Variants in EIF2A observed in about 807,000 individuals in gnomAD.
The protein encoded by EIF2A is 65 kDa eukaryotic translation initiation factor 2A.
In EIF2A, 62 loss-of-function variants were observed where a neutral mutation model predicts 75.2. The ratio of observed to expected loss-of-function variants is 0.82; its 90% confidence interval spans 0.67 to 1.02. The LOEUF (loss-of-function observed/expected upper bound fraction) is 1.02, where lower values mean the gene tolerates loss of function less well. Among genes scored for constraint, EIF2A ranks in the 50% least tolerant of loss-of-function variants. The probability of loss-of-function intolerance (pLI) is 0.00; values close to 1 mark genes in which losing one functional copy is unlikely to be tolerated. For missense variants in EIF2A, 611 were observed against 677.7 expected, an observed-to-expected ratio of 0.90 and a Z score of 1.09; for synonymous variants, 207 against 239.0, an observed-to-expected ratio of 0.87 and a Z score of 1.23.
At chr3:150,555,489 C>T (rs1297894798) in intron 2 of EIF2A, among the ~76,000 whole-genome samples, 2 of 151,824 alleles carry the variant, frequency 1.3e-5, no homozygotes, top group Non-Finnish European at 2.9e-5. Flanking sequence ...AACTTCTGAC[C>T]TCAGGTGATT....
chr3:150,583,197 C>T lies in EIF2A; in HGVS notation c.1627-3C>T, dbSNP rs757992463. On this transcript the variant is annotated splice_polypyrimidine_tract_variant and splice_region_variant and intron_variant, in intron 12 of 13. Transcript: ENST00000460851. ...GCTCTTGACTCATATTTGATGTTTG[C>T]AGAAACTGAAAGCAATCGAACAACT... is the stretch of plus-strand genomic sequence containing the variant. 2.7e-5 allele frequency: 44 copies of T among 1,610,234 alleles called. No homozygotes were observed. In the Admixed American group the frequency reaches 7.4e-4, roughly 27 times the overall value.
intron 3 of EIF2A, among the ~76,000 whole-genome samples, chr3:150,560,241 T>C (rs1345697634): frequency 6.8e-6 from 1 of 147,870 alleles, no homozygotes; most frequent in Non-Finnish European, 1.5e-5. Context: ...CTATATTAAG[T>C]TCTAGCATTT....
chr3:150,571,727 A>G (rs1724535780), intron 9 of EIF2A, among the ~76,000 whole-genome samples: 1 of 152,226 alleles, frequency 6.6e-6, no homozygotes, highest in Admixed American at 6.5e-5. Flanking sequence ...CTATAAGGCC[A>G]TATTACCAAA....
intron 10 of EIF2A, among the ~76,000 whole-genome samples, chr3:150,574,017 C>A (rs567009776): frequency 2.0e-5 from 3 of 152,040 alleles, no homozygotes; most frequent in Admixed American, 6.6e-5. Flanking sequence ...TGAGACCAGC[C>A]AGGGCAACAT....
intron 11 of EIF2A, 83 bp from the exon 12 acceptor site, chr3:150,581,534 AT>A (rs1725175141): frequency 3.4e-6 from 5 of 1,458,246 alleles, no homozygotes; most frequent in Non-Finnish European, 4.6e-6. Context: ...TAGTTTCTGT[AT>A]TTCATATGCC....
chr3:150,565,049 C>A (rs1204465396), intron 6 of EIF2A: 2 of 369,588 alleles, frequency 5.4e-6, no homozygotes, highest in Non-Finnish European at 1.1e-5. Context: ...TAAGTTCCCA[C>A]TCTATCTGTT....
rs374632693 is a variant in EIF2A, at chr3:150,567,450, G to A, written c.476-243G>A. The A allele has an allele frequency of 1.6e-5, 6 of 382,840 alleles. No individual in the cohort carries two copies. The South Asian group carries it at 1.6e-4, about 10-fold the overall frequency. The allele number at this position is 382,840 out of a possible 1,614,324, so 23.7% of individuals were successfully genotyped here. A position where few individuals can be genotyped will look rare whatever the true frequency, so the allele number is the denominator to read the frequency against. Reference sequence around the variant, plus strand: ...TAAAACCAATTACTGAGAGTTGGGTGGTATAATCCCATTACTTGCCTAAGC... The same window carrying A: ...TAAAACCAATTACTGAGAGTTGGGTAGTATAATCCCATTACTTGCCTAAGC... On this transcript the variant is annotated intron_variant, in intron 6 of 13. Transcript: ENST00000460851.
intron 6 of EIF2A, chr3:150,565,328 A>G: frequency 2.5e-6 from 1 of 400,692 alleles, no homozygotes; most frequent in South Asian, 1.9e-5. Context: ...AGCTGACATT[A>G]ATGTTTCATG....
intron 13 of EIF2A, 23 bp downstream of exon 13, chr3:150,583,288 A>G: frequency 6.2e-7 from 1 of 1,609,156 alleles, no homozygotes; most frequent in Admixed American, 1.7e-5. Flanking sequence ...TTTTTCATTT[A>G]GGCTTGTGGT....
rs1476834174 is a variant in EIF2A at position 150,547,081 on chromosome 3, A to G, written c.28+251A>G. 9 of 563,326 alleles carry G rather than the reference A, an allele frequency of 1.6e-5. No homozygotes were observed. In the East Asian group the frequency reaches 2.1e-4, roughly 13 times the overall value. 34.9% of individuals were successfully genotyped at this position (563,326 alleles called of 1,614,324 possible). ...GCCTGCGGATTCATCTTCTACAGAAATAGAAGAAGGGGGAGAAAAACAATG... is the reference window on the plus strand; with the variant it reads ...GCCTGCGGATTCATCTTCTACAGAAGTAGAAGAAGGGGGAGAAAAACAATG... On this transcript the variant is annotated intron_variant, in intron 1 of 13. Transcript: ENST00000460851.
At chr3:150,571,181 C>T (rs13077944) in intron 9 of EIF2A, among the ~76,000 whole-genome samples, 48,999 of 151,434 alleles carry the variant, frequency 0.32, 8,210 homozygotes, top group East Asian at 0.49. Flanking sequence ...GCTTTGTCAC[C>T]GAGGCTGGAG....
chr3:150,553,175 G>A (rs2107904325), intron 2 of EIF2A, among the ~76,000 whole-genome samples: 1 of 152,106 alleles, frequency 6.6e-6, no homozygotes, highest in Admixed American at 6.5e-5. Context: ...AAAATTAGCC[G>A]GGTGTGGGGG....
chr3:150,563,696 G>A (rs982300662), intron 5 of EIF2A, 82 bp downstream of exon 5: 2 of 1,079,910 alleles, frequency 1.9e-6, no homozygotes, highest in Admixed American at 3.5e-5. Context: ...TCCTGATATT[G>A]ATTTAAAAAA....
chr3:150,575,676 A>T lies in EIF2A; in HGVS notation c.1411A>T (p.Lys471Ter), dbSNP rs375523411. 6.2e-7 allele frequency: 1 copy of T among 1,612,312 alleles called. No individual in the cohort carries two copies. The highest frequency in any genetic ancestry group is 8.5e-7 in the Non-Finnish European group (1 of 1,179,364). ...TGAAGAGGAACCACCTCAGAATATG[A>T]AACCACAATCAGGAAACGATAAGCC... ...LHEEEPPQNM[K>*]PQSGNDKPLS... Residue 471 changes from lysine to a stop codon, truncating the protein, a stop_gained, in exon 11 of 14, where the codon AAA (lysine) becomes TAA (stop). Coordinates refer to ENST00000460851, the MANE Select transcript of EIF2A (RefSeq NM_032025.5). LOFTEE classifies it high-confidence loss of function.
chr3:150,551,005 C>G (rs1200002735), intron 1 of EIF2A, among the ~76,000 whole-genome samples: 1 of 152,174 alleles, frequency 6.6e-6, no homozygotes, highest in African/African-American at 2.4e-5. Context: ...GCCACACAGG[C>G]CTTCTTTCCA....
chr3:150,565,602 CT>C (rs1724125938), intron 6 of EIF2A, among the ~76,000 whole-genome samples: 1 of 151,932 alleles, frequency 6.6e-6, no homozygotes, highest in South Asian at 2.1e-4. Flanking sequence ...GGGCCTCATT[CT>C]TTTGTCCAAG....
Position 150,564,339 on chromosome 3 carries a change from A to G in EIF2A, c.433A>G (p.Asn145Asp). The G allele has an allele frequency of 6.2e-7, 1 of 1,602,970 alleles. No homozygotes were observed. The highest frequency in any genetic ancestry group is 8.5e-7 in the Non-Finnish European group (1 of 1,176,012). The change falls in exon 6 of 14, where the codon AAT becomes GAT. Residue 145 changes from asparagine (N) to aspartate (D), a missense_variant. Asn to Asp is a conservative substitution (Grantham distance 23). Coordinates refer to ENST00000460851, the MANE Select transcript of EIF2A (RefSeq NM_032025.5). Reference protein sequence around the residue: ...WSEDETLCARNVNNEVHFFEN... With the variant: ...WSEDETLCARDVNNEVHFFEN... ...AGAAGATGAAACTCTTTGTGCCCGC[A>G]ATGTTAACAATGAAGTTCACTTCTT...
chr3:150,579,943 G>A (rs1052701217), intron 11 of EIF2A, among the ~76,000 whole-genome samples: 1 of 151,424 alleles, frequency 6.6e-6, no homozygotes, highest in African/African-American at 2.4e-5. Context: ...CTACGTTGGA[G>A]CCAATAAATA....
intron 12 of EIF2A, among the ~76,000 whole-genome samples, chr3:150,581,990 T>C (rs963834964): frequency 6.6e-6 from 1 of 152,128 alleles, no homozygotes; most frequent in African/African-American, 2.4e-5. Flanking sequence ...TGCATCAGCA[T>C]AGAAATATAC....
Sources: allele counts gnomAD v4.1 joint callset (sites outside exome capture counted in the v4.1 genomes callset), GRCh38; gene constraint gnomAD v4.1.1; transcripts MANE v1.5; gene names NCBI Gene and HGNC (gene_info 2026-07-23, HGNC 2026-07-21).